Variants in RASSF3 observed in about 807,000 individuals in gnomAD.
The protein encoded by RASSF3 is ras association domain-containing protein 3.
A neutral mutation model predicts 19.9 loss-of-function variants in RASSF3; 19 were observed. The observed-to-expected ratio is 0.96, with a 90% confidence interval of 0.67 to 1.40. The LOEUF is 1.40. RASSF3 is among the 40% of genes most tolerant of loss of function. The pLI is 0.00. For missense variants in RASSF3, 306 were observed against 289.8 expected (o/e 1.06, Z -0.41); for synonymous variants, 110 against 104.2 (o/e 1.06, Z -0.34).
Position 64,625,445 on chromosome 12 carries a change from CT to C in RASSF3, c.111+14716del, listed in dbSNP as rs398044420. Among the ~76,000 whole-genome samples, 720 of 144,538 alleles carry C rather than the reference CT, an allele frequency of 5.0e-3. 2 individuals carry two copies. Among genetic ancestry groups the C allele is most frequent in the African/African-American group, 9.9e-3 (391 of 39,616 alleles). 94.8% of individuals were successfully genotyped at this position (144,538 alleles called of 152,430 possible). On this transcript the variant is annotated intron_variant, in intron 1 of 4. Transcript: ENST00000542104. The stretch of plus-strand genomic sequence containing the variant: ...TATGTATAAGTTAACACATTGTACA[CT>C]TTTTTTTTTTTTTAAACTTCCTCTT...
At chr12:64,582,092 A>G (rs1230863160) in intron 2 of RASSF3, among the ~76,000 whole-genome samples, 2 of 152,108 alleles carry the variant, frequency 1.3e-5, no homozygotes, top group Non-Finnish European at 2.9e-5. Flanking sequence ...GGCACAAGTG[A>G]TCCTCTCACC....
chr12:64,576,238 G>T (rs1176093072), intron 2 of RASSF3, among the ~76,000 whole-genome samples: 2 of 152,120 alleles, frequency 1.3e-5, no homozygotes, highest in Non-Finnish European at 2.9e-5. Flanking sequence ...CCTAGAAACA[G>T]ACTGACACAT....
chr12:64,668,752 G>A (rs920788764), intron 1 of RASSF3, among the ~76,000 whole-genome samples: 3 of 150,536 alleles, frequency 2.0e-5, no homozygotes, highest in Non-Finnish European at 4.4e-5. Context: ...CGCGATCTCG[G>A]CTCACTGCAA....
upstream of RASSF3, among the ~76,000 whole-genome samples, chr12:64,530,620 T>C (rs1052325499): frequency 6.6e-6 from 1 of 152,210 alleles, no homozygotes; most frequent in African/African-American, 2.4e-5. Context: ...ATGGTAGATG[T>C]ATATTTAACT....
chr12:64,605,421 T>C (rs1870173235), intron 2 of RASSF3, among the ~76,000 whole-genome samples: 2 of 152,174 alleles, frequency 1.3e-5, no homozygotes, highest in Admixed American at 6.6e-5. Context: ...GGGGAACAAC[T>C]TAGCAATCAT....
intron 1 of RASSF3, among the ~76,000 whole-genome samples, chr12:64,663,840 CTTTTTTT>C (rs34450092): frequency 5.5e-5 from 4 of 73,086 alleles, no homozygotes; most frequent in East Asian, 4.0e-4. Context: ...TTAGCCTTGC[CTTTTTTT>C]TTTTTTTTTT....
intron 1 of RASSF3, among the ~76,000 whole-genome samples, chr12:64,653,316 G>T (rs1433071929): frequency 6.6e-6 from 1 of 152,154 alleles, no homozygotes; most frequent in Admixed American, 6.5e-5. Flanking sequence ...CTGACCTCAA[G>T]TAATCCTCCC....
chr12:64,694,660 T>C (rs978179979), intron 4 of RASSF3, 103 bp from the exon 5 acceptor site: 17 of 1,279,474 alleles, frequency 1.3e-5, no homozygotes, highest in Non-Finnish European at 1.7e-5. Flanking sequence ...GGCATGGGGC[T>C]GGGAGGGGAG....
chr12:64,557,969 A>G (rs1012057553), intron 2 of RASSF3, among the ~76,000 whole-genome samples: 1 of 152,180 alleles, frequency 6.6e-6, no homozygotes, highest in Non-Finnish European at 1.5e-5. Context: ...CCAGACAGTC[A>G]TGCTGGCTGA....
At chr12:64,519,637 T>C (rs549339806) in intron 1 of RASSF3, among the ~76,000 whole-genome samples, 3 of 152,212 alleles carry the variant, frequency 2.0e-5, no homozygotes, top group African/African-American at 7.2e-5. Context: ...AGTGAATATA[T>C]ATATATACAT....
At chr12:64,525,627 G>T (rs187153530) in intron 1 of RASSF3, among the ~76,000 whole-genome samples, 1 of 152,260 alleles carries the variant, frequency 6.6e-6, no homozygotes, top group East Asian at 1.9e-4. Context: ...AGATCATAAT[G>T]AGCCTTGGCT....
chr12:64,513,937 T>C (rs777406112), intron 1 of RASSF3, among the ~76,000 whole-genome samples: 64 of 152,216 alleles, frequency 4.2e-4, no homozygotes, highest in Admixed American at 2.0e-3. Context: ...TGGAGTGCAA[T>C]GGCAGGAACT....
chr12:64,539,221 G>C lies in RASSF3; in HGVS notation c.68-2360G>C, dbSNP rs139190748. On this transcript the variant is annotated intron_variant, in intron 1 of 1. Coordinates refer to the RASSF3 transcript ENST00000636333. Reference sequence around the variant, plus strand: ...TCTTGCTGCATCATAACATGGCAGAGGGCATCACATGGCAAGGGGGCAGGA... The same window carrying C: ...TCTTGCTGCATCATAACATGGCAGACGGCATCACATGGCAAGGGGGCAGGA... Among the ~76,000 whole-genome samples, 376 of 152,210 alleles carry C rather than the reference G, an allele frequency of 2.5e-3. 2 individuals are homozygous for C. The highest frequency in any genetic ancestry group is 8.5e-3 in the African/African-American group (352 of 41,524).
chr12:64,530,724 A>G (rs183272404), upstream of RASSF3, among the ~76,000 whole-genome samples: 34 of 152,338 alleles, frequency 2.2e-4, no homozygotes, highest in East Asian at 3.9e-3. Flanking sequence ...CATCCTCACC[A>G]AAATGTGGTA....
chr12:64,678,648 C>CAAAAAA (rs767180678), intron 1 of RASSF3, among the ~76,000 whole-genome samples: 37,905 of 89,464 alleles, frequency 0.42, 7,588 homozygotes, highest in South Asian at 0.57. Flanking sequence ...TCCGTAATAC[C>CAAAAAA]AAAAAAAAAA....
chr12:64,639,532 A>C (rs1871437856), intron 1 of RASSF3, among the ~76,000 whole-genome samples: 1 of 152,188 alleles, frequency 6.6e-6, no homozygotes. Context: ...GTGATCAAGT[A>C]GAAAGGATCA....
chr12:64,553,976 C>CAAA (rs1021865573), intron 2 of RASSF3, among the ~76,000 whole-genome samples: 2 of 83,472 alleles, frequency 2.4e-5, no homozygotes, highest in Admixed American at 1.6e-4. Flanking sequence ...GATCCTGTCT[C>CAAA]AAAAAAAAAA....
chr12:64,600,811 T>C (rs1870078939), intron 2 of RASSF3, among the ~76,000 whole-genome samples: 1 of 152,196 alleles, frequency 6.6e-6, no homozygotes, highest in African/African-American at 2.4e-5. Context: ...TTACTATATT[T>C]GGTTTCTCAG....
chr12:64,546,095 C>CAAA (rs34666595), downstream of RASSF3, among the ~76,000 whole-genome samples: 169 of 59,380 alleles, frequency 2.8e-3, no homozygotes, highest in Non-Finnish European at 3.2e-3. Context: ...GACTCCGTCT[C>CAAA]AAAAAAAAAA....
Sources: allele counts gnomAD v4.1 joint callset (sites outside exome capture counted in the v4.1 genomes callset), GRCh38; gene constraint gnomAD v4.1.1; transcripts MANE v1.5; gene names NCBI Gene and HGNC (gene_info 2026-07-23, HGNC 2026-07-21).